RBFOX3: variants seen among roughly 807,000 people sequenced by gnomAD.
RBFOX3 encodes RNA binding fox-1 homolog 3.
A neutral mutation model predicts 48.7 loss-of-function variants in RBFOX3; 17 were observed. That is an observed-to-expected ratio of 0.35 (90% confidence interval 0.24 to 0.52). The LOEUF is 0.52. RBFOX3 is among the 20% of genes least tolerant of loss of function. The pLI, the probability that RBFOX3 is intolerant of heterozygous loss-of-function variation, is 0.94. For missense variants in RBFOX3, 382 were observed against 497.5 expected (o/e 0.77, Z 2.21); for synonymous variants, 212 against 209.5 (o/e 1.01, Z -0.10).
At position 79,429,362 on chromosome 17, in the gene RBFOX3, G is replaced by A. The variant is rs149626494; in HGVS notation, c.-175+53092C>T. 3.9e-4 allele frequency among the ~76,000 whole-genome samples: 59 copies of A among 152,344 alleles called. 2 individuals carry two copies. In the East Asian group the frequency reaches 7.5e-3, roughly 19 times the overall value. On this transcript the variant is annotated intron_variant, in intron 2 of 14. Coordinates refer to ENST00000693108, the MANE Select transcript of RBFOX3 (RefSeq NM_001350451.2). ...ATATGGGAGAGGAACAGAGGAAACC[G>A]GAAGAAGAAACGCTTGAAGTCCCCA...
At chr17:79,494,137 T>C (rs1490322545) in intron 1 of RBFOX3, among the ~76,000 whole-genome samples, 3 of 152,180 alleles carry the variant, frequency 2.0e-5, no homozygotes, top group African/African-American at 7.2e-5. Flanking sequence ...GTAATTAAAA[T>C]GAGGGCTTCT....
At chr17:79,452,683 G>A (rs1162660164) in intron 2 of RBFOX3, among the ~76,000 whole-genome samples, 1 of 152,178 alleles carries the variant, frequency 6.6e-6, no homozygotes, top group Non-Finnish European at 1.5e-5. Flanking sequence ...GGATGAGGGA[G>A]GGGACCACTG....
chr17:79,656,950 G>A, the RBFOX3 span, among the ~76,000 whole-genome samples: 1 of 147,686 alleles, frequency 6.8e-6, no homozygotes, highest in Non-Finnish European at 1.5e-5. Flanking sequence ...ACAAAAACAG[G>A]CAGTAGGCCG....
At chr17:79,378,492 G>A (rs927403356) in intron 2 of RBFOX3, among the ~76,000 whole-genome samples, 1 of 152,164 alleles carries the variant, frequency 6.6e-6, no homozygotes, top group African/African-American at 2.4e-5. Context: ...CCCAGGTGTC[G>A]GACTCGCTAG....
chr17:79,369,351 T>C (rs544914957), intron 2 of RBFOX3, among the ~76,000 whole-genome samples: 108 of 152,242 alleles, frequency 7.1e-4, no homozygotes, highest in African/African-American at 2.6e-3. Context: ...TGATGGGGGC[T>C]CACCAGAGGG....
intron 1 of RBFOX3, among the ~76,000 whole-genome samples, chr17:79,500,998 C>T (rs2082305158): frequency 6.6e-6 from 1 of 152,110 alleles, no homozygotes; most frequent in South Asian, 2.1e-4. Context: ...AAATCACTGC[C>T]GAGGGGAGAT....
intron 2 of RBFOX3, among the ~76,000 whole-genome samples, chr17:79,388,598 T>G (rs995966562): frequency 6.6e-6 from 1 of 152,200 alleles, no homozygotes; most frequent in East Asian, 1.9e-4. Flanking sequence ...TGAGCGCCCC[T>G]GCTCCAGGAA....
intron 2 of RBFOX3, among the ~76,000 whole-genome samples, chr17:79,349,275 C>T (rs1031900503): frequency 6.6e-6 from 1 of 152,064 alleles, no homozygotes; most frequent in African/African-American, 2.4e-5. Context: ...CAGGCACAGT[C>T]CTGCCTGCAC....
chr17:79,170,176 G>GAAGGGAGGAGGAAGGAGGAAGGA, intron 4 of RBFOX3, among the ~76,000 whole-genome samples: 1 of 150,986 alleles, frequency 6.6e-6, no homozygotes, highest in South Asian at 2.1e-4. Flanking sequence ...AGGAAGGAAG[G>GAAGGGAGGAGGAAGGAGGAAGGA]GGAAGGAAGG....
At chr17:79,327,718 C>T (rs867022405) in intron 2 of RBFOX3, among the ~76,000 whole-genome samples, 62 of 152,078 alleles carry the variant, frequency 4.1e-4, no homozygotes, top group African/African-American at 1.3e-3. Flanking sequence ...TTTTTTGAGA[C>T]GGAGTCTCCC....
At chr17:79,541,925 C>T (rs536857872) in intron 1 of RBFOX3, among the ~76,000 whole-genome samples, 5 of 152,246 alleles carry the variant, frequency 3.3e-5, no homozygotes, top group East Asian at 1.9e-4. Flanking sequence ...CCACGGAGCA[C>T]GGGGCTCCTC....
At chr17:79,130,005 G>A (rs527378377) in intron 4 of RBFOX3, among the ~76,000 whole-genome samples, 42 of 152,172 alleles carry the variant, frequency 2.8e-4, no homozygotes, top group Non-Finnish European at 4.9e-4. Flanking sequence ...CTGCCCTGCG[G>A]GGACCGGGAG....
At chr17:79,620,457 A>T in the RBFOX3 span, among the ~76,000 whole-genome samples, 1 of 149,292 alleles carries the variant, frequency 6.7e-6, no homozygotes, top group Non-Finnish European at 1.5e-5. Flanking sequence ...ACACATGCGC[A>T]CACACATGCA....
intron 2 of RBFOX3, among the ~76,000 whole-genome samples, chr17:79,346,556 T>C (rs2082954881): frequency 6.6e-6 from 1 of 152,254 alleles, no homozygotes; most frequent in African/African-American, 2.4e-5. Flanking sequence ...CTTCATGCTC[T>C]GCTCCTCAGA....
intron 4 of RBFOX3, among the ~76,000 whole-genome samples, chr17:79,203,815 G>A (rs1021613298): frequency 2.8e-4 from 43 of 152,152 alleles, no homozygotes; most frequent in African/African-American, 9.9e-4. Context: ...AGTTTTTGGT[G>A]TACCAATTGT....
intron 1 of RBFOX3, among the ~76,000 whole-genome samples, chr17:79,559,691 G>T (rs1220455996): frequency 7.1e-6 from 1 of 141,362 alleles, no homozygotes; most frequent in South Asian, 2.4e-4. Flanking sequence ...GAGTGGGTCG[G>T]TGGGTGGATG....
intron 2 of RBFOX3, among the ~76,000 whole-genome samples, chr17:79,356,777 C>A (rs1201278016): frequency 6.6e-6 from 1 of 151,878 alleles, no homozygotes; most frequent in Non-Finnish European, 1.5e-5. Context: ...AGAGAGAGAC[C>A]AAAGGTAAGA....
chr17:79,617,998 C>T, the RBFOX3 span, among the ~76,000 whole-genome samples: 1 of 152,206 alleles, frequency 6.6e-6, no homozygotes, highest in Admixed American at 6.5e-5. Flanking sequence ...CATATCAGTG[C>T]CCAGTGGCTT....
chr17:79,419,995 C>T (rs1023010650), intron 2 of RBFOX3, among the ~76,000 whole-genome samples: 38 of 152,258 alleles, frequency 2.5e-4, no homozygotes, highest in African/African-American at 8.9e-4. Context: ...GGCATGGCGG[C>T]GTGTTCCTGT....
Sources: gnomAD v4.1 joint callset for allele counts (sites outside exome capture counted in the v4.1 genomes callset) on GRCh38, gnomAD v4.1.1 for gene constraint, MANE v1.5 for transcripts, NCBI Gene and HGNC (gene_info 2026-07-23, HGNC 2026-07-21) for gene names.